Variants in CD101 observed in about 807,000 individuals in gnomAD.
CD101 encodes the protein immunoglobulin superfamily member 2.
A neutral mutation model predicts 98.2 loss-of-function variants in CD101; 76 were observed. The observed-to-expected ratio is 0.77, with a 90% CI of 0.64 to 0.94. CD101 has a LOEUF of 0.94. CD101 is among the 40% of genes least tolerant of loss of function. The pLI is 0.00. For missense variants in CD101, 1,145 were observed against 1,218.8 expected (o/e 0.94, Z 0.90); for synonymous variants, 471 against 472.7 (o/e 1.00, Z 0.05).
At position 117,018,506 on chromosome 1, in the gene CD101, C is replaced by T; in HGVS notation, c.1963C>T (p.Pro655Ser). Residue 655 changes from proline to serine, a missense_variant, in exon 6 of 10, where the codon CCC becomes TCC. By Grantham distance (74) the Pro-to-Ser change is moderately conservative (BLOSUM62 -1). Transcript: ENST00000682167. The surrounding 1 kb of genome is among the most constrained non-coding windows in gnomAD (Gnocchi z 4.3). ...YDRNSLYNNR[P>S]PRASAISHPL... ...CAGAAATTCCCTATACAACAACCGCCCCCCGAGGGCTTCTGCCATCTCTCA... is the reference window on the plus strand; with the variant it reads ...CAGAAATTCCCTATACAACAACCGCTCCCCGAGGGCTTCTGCCATCTCTCA... 6.2e-7 allele frequency: 1 copy of T among 1,612,528 alleles called. No individual in the cohort carries two copies. Among genetic ancestry groups the T allele is most frequent in the Non-Finnish European group, 8.5e-7 (1 of 1,178,656 alleles).
In CD101 at chr1:117,033,893, C is replaced by A. The variant is rs774316538; in HGVS notation, c.2858C>A (p.Ala953Asp). The change falls in exon 9 of 10, where the codon GCC (alanine) becomes GAC (aspartate). Residue 953 changes from alanine to aspartate, a missense_variant. Transcript: ENST00000682167. The surrounding 1 kb of genome is among the most constrained non-coding windows in gnomAD (Gnocchi z 4.8). ...PTLPSRICSS[A>D]PLLYFLFICP... The stretch of plus-strand genomic sequence containing the variant: ...CTTCCTTCCAGGATCTGCTCCTCGG[C>A]CCCTTTACTCTATTTCCTGTTCATC... 1 of 1,614,184 alleles carries A rather than the reference C, an allele frequency of 6.2e-7. No homozygotes were observed. Among genetic ancestry groups the A allele is most frequent in the South Asian group, 1.1e-5 (1 of 91,078 alleles).
intron 8 of CD101, among the ~76,000 whole-genome samples, chr1:117,031,361 C>T (rs1654456225): frequency 6.6e-6 from 1 of 152,200 alleles, no homozygotes; most frequent in Non-Finnish European, 1.5e-5. Flanking sequence ...ATCATTACCC[C>T]ACCATTCTAG....
rs370361585 is a variant in CD101 at position 117,013,840 on chromosome 1, C to G, written c.1228+48C>G. 1.2e-5 allele frequency: 18 copies of G among 1,535,624 alleles called. No homozygotes were observed. In the African/African-American group the frequency reaches 2.2e-4, roughly 19 times the overall value. On this transcript the variant is annotated intron_variant, in intron 4 of 9. Transcript: ENST00000682167. ...ATGCATTGGGCTGCTTTCAGATGCCCCCTTGTCAGTGGAAGACCCCTTCGT... is the reference window on the plus strand; with the variant it reads ...ATGCATTGGGCTGCTTTCAGATGCCGCCTTGTCAGTGGAAGACCCCTTCGT...
rs767958842 is a variant in CD101 at position 117,018,175 on chromosome 1, T to A, written c.1632T>A (p.Ser544Arg). The change falls in exon 6 of 10, where the codon AGT (serine) becomes AGA (arginine). Residue 544 changes from serine to arginine, a missense_variant. Coordinates refer to ENST00000682167, the MANE Select transcript of CD101 (RefSeq NM_001256106.3). This position sits in a 1 kb window ranked among gnomAD's most constrained non-coding sequence, Gnocchi z 4.3. ...GTCTAGAGTCAAGTTTACAAGTTAG[T>A]CTGATGAGCCGTCAGCCGCAAGTGA... ...VKSLESSLQVSLMSRQPQVML... is the reference protein window; with the variant it reads ...VKSLESSLQVRLMSRQPQVML... 10 of 1,598,536 alleles carry A rather than the reference T, an allele frequency of 6.3e-6. No homozygotes were observed. The Middle Eastern group carries it at 5.0e-4, about 80-fold the overall frequency.
intron 7 of CD101, among the ~76,000 whole-genome samples, chr1:117,024,939 G>A (rs1465368382): frequency 6.6e-6 from 1 of 152,218 alleles, no homozygotes; most frequent in Non-Finnish European, 1.5e-5. Flanking sequence ...CCCTGCAGAA[G>A]CTGTGTAGTT....
At position 117,015,595 on chromosome 1, in the gene CD101, A is replaced by G. The variant is rs536218892; in HGVS notation, c.1229-1495A>G. On this transcript the variant is annotated intron_variant, in intron 4 of 9. Coordinates refer to ENST00000682167, the MANE Select transcript of CD101 (RefSeq NM_001256106.3). Reference sequence around the variant, plus strand: ...TTGAACTCCTTCCTCCGCAGGGAAGAACAATTTGCAAATTCATTTAGATCC... The same window carrying G: ...TTGAACTCCTTCCTCCGCAGGGAAGGACAATTTGCAAATTCATTTAGATCC... Among the ~76,000 whole-genome samples the G allele has an allele frequency of 5.3e-5, 8 of 152,362 alleles. No individual in the cohort carries two copies. The East Asian group carries it at 1.5e-3, about 29-fold the overall frequency.
At chr1:117,032,972 C>T (rs1654556262) in intron 8 of CD101, 2 of 152,230 alleles carry the variant, frequency 1.3e-5, no homozygotes, top group Non-Finnish European at 2.9e-5. Context: ...TGCAGTCAAT[C>T]CAATTTAATT....
At chr1:117,003,187 T>A (rs910607812) in intron 1 of CD101, among the ~76,000 whole-genome samples, 3 of 152,140 alleles carry the variant, frequency 2.0e-5, no homozygotes, top group Non-Finnish European at 4.4e-5. Context: ...AGAGACTGGA[T>A]GGAGCCAGTG....
chr1:117,021,763 A>C lies in CD101; in HGVS notation c.2208A>C (p.Ile736=), dbSNP rs779425919. The change falls in exon 7 of 10, where the codon ATA becomes ATC. Residue 736 remains isoleucine (I), a synonymous_variant. Transcript: ENST00000682167. The surrounding 1 kb of genome is among the most constrained non-coding windows in gnomAD (Gnocchi z 4.7). ...TGGAGATGGACCAAACCAATGTTATAAAAACTGGGGATGAGTTTCACACCC... is the reference window on the plus strand; with the variant it reads ...TGGAGATGGACCAAACCAATGTTATCAAAACTGGGGATGAGTTTCACACCC... ...KILEMDQTNV[I]KTGDEFHTPQ... 6.2e-7 allele frequency: 1 copy of C among 1,614,078 alleles called. No homozygotes were observed. Among genetic ancestry groups the C allele is most frequent in the South Asian group, 1.1e-5 (1 of 91,068 alleles).
At position 117,023,985 on chromosome 1, in the gene CD101, G is replaced by T. The variant is rs1239520074; in HGVS notation, c.2429-1524G>T. ...AGAGGGTCCCTTGAACTGGGAAATTGGGCCCTGGCCAAGTAAAGTGATGGG... is the reference window on the plus strand; with the variant it reads ...AGAGGGTCCCTTGAACTGGGAAATTTGGCCCTGGCCAAGTAAAGTGATGGG... On this transcript the variant is annotated intron_variant, in intron 7 of 9. Coordinates refer to ENST00000682167, the MANE Select transcript of CD101 (RefSeq NM_001256106.3). The surrounding 1 kb of genome is among the most constrained non-coding windows in gnomAD (Gnocchi z 4.4). Among the ~76,000 whole-genome samples, 1 of 152,164 alleles carries T rather than the reference G, an allele frequency of 6.6e-6. No homozygotes were observed. Among genetic ancestry groups the T allele is most frequent in the African/African-American group, 2.4e-5 (1 of 41,440 alleles).
chr1:117,016,213 T>A (rs1275470711), intron 4 of CD101, among the ~76,000 whole-genome samples: 1 of 148,066 alleles, frequency 6.8e-6, no homozygotes, highest in African/African-American at 2.4e-5. Context: ...TATTTATATA[T>A]ATATATAAAA....
chr1:117,018,854 C>T lies in CD101; in HGVS notation c.2017+294C>T, dbSNP rs750631225. Among the ~76,000 whole-genome samples, 1 of 152,140 alleles carries T rather than the reference C, an allele frequency of 6.6e-6. No individual in the cohort carries two copies. The highest frequency in any genetic ancestry group is 2.4e-5 in the African/African-American group (1 of 41,430). On this transcript the variant is annotated intron_variant, in intron 6 of 9. Coordinates refer to ENST00000682167, the MANE Select transcript of CD101 (RefSeq NM_001256106.3). This position sits in a 1 kb window ranked among gnomAD's most constrained non-coding sequence, Gnocchi z 4.3. ...CCAGCAACTAAAGGGTACCACGTGG[C>T]ACAGCAGGGGGCCTCTAGGACCTGG...
At chr1:117,028,226 C>T (rs572313323) in intron 8 of CD101, among the ~76,000 whole-genome samples, 125 of 152,174 alleles carry the variant, frequency 8.2e-4, no homozygotes, top group Non-Finnish European at 1.3e-3. Context: ...GTACCCATGA[C>T]GACTAAGAAA....
chr1:117,031,838 G>C (rs951546899), intron 8 of CD101, among the ~76,000 whole-genome samples: 1 of 152,166 alleles, frequency 6.6e-6, no homozygotes, highest in South Asian at 2.1e-4. Context: ...TGAAGATTGA[G>C]GATTTGAACT....
Position 117,012,752 on chromosome 1 carries a change from T to TA in CD101, c.842-653dup, listed in dbSNP as rs1205743048. On this transcript the variant is annotated intron_variant, in intron 3 of 9. Coordinates refer to ENST00000682167, the MANE Select transcript of CD101 (RefSeq NM_001256106.3). The surrounding 1 kb of genome is among the most constrained non-coding windows in gnomAD (Gnocchi z 4.0). ...CTTTTGGCATTTTTGTCAAAGCAAGTATAAAGGCCTTGTCTGTGATTCCTG... is the reference window on the plus strand; with the variant it reads ...CTTTTGGCATTTTTGTCAAAGCAAGTAATAAAGGCCTTGTCTGTGATTCCTG... 6.6e-6 allele frequency among the ~76,000 whole-genome samples: 1 copy of TA among 152,164 alleles called. No homozygotes were observed. The highest frequency in any genetic ancestry group is 1.5e-5 in the Non-Finnish European group (1 of 68,024).
At chr1:117,003,050 G>C (rs1280253570) in intron 1 of CD101, among the ~76,000 whole-genome samples, 3 of 152,184 alleles carry the variant, frequency 2.0e-5, no homozygotes, top group Non-Finnish European at 4.4e-5. Context: ...GCTGAGGTGG[G>C]AGAATCGCTT....
intron 8 of CD101, among the ~76,000 whole-genome samples, chr1:117,031,195 G>A (rs1398875199): frequency 6.6e-6 from 1 of 152,184 alleles, no homozygotes; most frequent in Admixed American, 6.5e-5. Flanking sequence ...CTTCAGCATG[G>A]TAAGGGGCAC....
rs541286037 is a variant in CD101 at position 117,022,759 on chromosome 1, A to G, written c.2428+776A>G. 4.8e-4 allele frequency among the ~76,000 whole-genome samples: 73 copies of G among 152,288 alleles called. No individual in the cohort carries two copies. The highest frequency in any genetic ancestry group is 1.7e-3 in the African/African-American group (72 of 41,568). ...AATTAGATGATAATTGAGCATTACT[A>G]TGTGTTAGGCAGTGGAATACAAAGA... On this transcript the variant is annotated intron_variant, in intron 7 of 9. Transcript: ENST00000682167. The surrounding 1 kb of genome is among the most constrained non-coding windows in gnomAD (Gnocchi z 4.8).
In CD101 at chr1:117,025,727, C is replaced by T. The variant is rs779120171; in HGVS notation, c.2647C>T (p.His883Tyr). 4 of 1,614,070 alleles carry T rather than the reference C, an allele frequency of 2.5e-6. No individual in the cohort carries two copies. The highest frequency in any genetic ancestry group is 3.4e-6 in the Non-Finnish European group (4 of 1,180,048). The change falls in exon 8 of 10, where the codon CAC (histidine) becomes TAC (tyrosine). Residue 883 changes from histidine to tyrosine, a missense_variant. Physicochemically the swap from His to Tyr is moderately conservative, Grantham distance 83 (BLOSUM62 2). Transcript: ENST00000682167. ...GGAAGAGGGGCTCAGGAGGCACCTG[C>T]ACTGTTACCGTTCATCCTCTACAGA... ...YGEEGLRRHL[H>Y]CYRSSSTDFV...
Sources: gnomAD v4.1 joint callset for allele counts (sites outside exome capture counted in the v4.1 genomes callset) on GRCh38, gnomAD v4.1.1 for gene constraint, Gnocchi (gnomAD v3.1) non-coding constraint, MANE v1.5 for transcripts, NCBI Gene and HGNC (gene_info 2026-07-23, HGNC 2026-07-21) for gene names.